MED24: variants seen among roughly 807,000 people sequenced by gnomAD.
MED24 encodes the protein mediator complex subunit 24.
MED24 carries 74 observed loss-of-function variants against 118.8 expected under a neutral mutation model. That is an observed-to-expected ratio of 0.62 (90% CI 0.52 to 0.76). The LOEUF (loss-of-function observed/expected upper bound fraction) is 0.76. Among genes scored for constraint, MED24 ranks in the 30% least tolerant of loss-of-function variants. The pLI, the probability that MED24 is intolerant of heterozygous loss-of-function variation, is 0.00. For missense variants in MED24, 1,041 were observed against 1,278.9 expected (o/e 0.81, Z 2.84); for synonymous variants, 521 against 523.9 (o/e 0.99, Z 0.08).
intron 10 of MED24, among the ~76,000 whole-genome samples, 160 bp downstream of exon 10, chr17:40,031,883 C>T (rs991190398): frequency 4.6e-5 from 7 of 150,700 alleles, no homozygotes; most frequent in African/African-American, 1.5e-4. Flanking sequence ...AGCACACGCA[C>T]ATGCTGAAGC....
rs756950682 is a variant in MED24 at position 40,022,508 on chromosome 17, G to T, written c.2433-24C>A. On this transcript the variant is annotated intron_variant, in intron 21 of 25. Transcript: ENST00000394128. ...GCCTGGCAAAGGGTTCCAGAAAAAG[G>T]GGGACAGTGAGAGGTGCCCCAGGAG... 8.1e-6 allele frequency: 13 copies of T among 1,600,058 alleles called. No homozygotes were observed. In the Admixed American group the frequency reaches 2.1e-4, roughly 26 times the overall value.
At chr17:40,053,276 T>G (rs774324373) in intron 3 of MED24, 22 bp downstream of exon 3, 24 of 1,577,460 alleles carry the variant, frequency 1.5e-5, no homozygotes, top group Non-Finnish European at 2.1e-5. Context: ...CACTTCTTGG[T>G]GGGGGTTTGC....
Position 40,023,160 on chromosome 17 carries a change from C to T in MED24, c.2221G>A (p.Val741Ile), listed in dbSNP as rs151012400. The change falls in exon 20 of 26, where the codon GTC (valine) becomes ATC (isoleucine). Residue 741 changes from valine to isoleucine, a missense_variant. Val to Ile is a conservative substitution (Grantham distance 29, BLOSUM62 3). Around this residue, in one of 3 missense-constraint regions of MED24, gnomAD observed 587 missense variants for 694.4 expected, o/e 0.85. Coordinates refer to ENST00000394128, the MANE Select transcript of MED24 (RefSeq NM_014815.4). The part of the protein sequence containing the change: ...IFDTLLHMGG[V>I]YWFCNNLIKE... The stretch of plus-strand genomic sequence containing the variant: ...ATCAGGTTGTTGCAGAACCAGTAGA[C>T]GCCGCCCATGTGCAGCAGGGTGTCA... 1.0e-4 allele frequency: 169 copies of T among 1,614,064 alleles called. No individual in the cohort carries two copies. In the African/African-American group the frequency reaches 1.8e-3, roughly 17 times the overall value.
chr17:40,020,222 G>A, intron 24 of MED24, 51 bp downstream of exon 24: 1 of 1,442,546 alleles, frequency 6.9e-7, no homozygotes, highest in Admixed American at 2.6e-5. Flanking sequence ...CATGAGAAGA[G>A]AGACTCGTCC....
At chr17:40,052,973 G>T (rs1170984660) in intron 3 of MED24, among the ~76,000 whole-genome samples, 1 of 152,094 alleles carries the variant, frequency 6.6e-6, no homozygotes, top group Non-Finnish European at 1.5e-5. Flanking sequence ...TCACTCTGTT[G>T]CTCTGGCTGG....
intron 2 of MED24, 33 bp from the exon 3 acceptor site, chr17:40,053,413 A>C: frequency 6.2e-7 from 1 of 1,613,554 alleles, no homozygotes; most frequent in Non-Finnish European, 8.5e-7. Context: ...CAACTGAGTG[A>C]TTACAACTTC....
intron 3 of MED24, among the ~76,000 whole-genome samples, chr17:40,041,028 G>A (rs1404471700): frequency 1.3e-5 from 2 of 152,092 alleles, no homozygotes; most frequent in African/African-American, 4.8e-5. Flanking sequence ...GATTACAGGT[G>A]TGAGCCACCA....
chr17:40,019,366 C>T lies in MED24; in HGVS notation c.*163G>A. ...TTGAAAGAAGAAACCGGGAGACATCCTGGAGGTCAGGAGTCAGGAGCGGGG... is the reference window on the plus strand; with the variant it reads ...TTGAAAGAAGAAACCGGGAGACATCTTGGAGGTCAGGAGTCAGGAGCGGGG... On this transcript the variant is annotated 3_prime_UTR_variant, in exon 26 of 26. Coordinates refer to ENST00000394128, the MANE Select transcript of MED24 (RefSeq NM_014815.4). 1 of 642,632 alleles carries T rather than the reference C, an allele frequency of 1.6e-6. No homozygotes were observed. Among genetic ancestry groups the T allele is most frequent in the Non-Finnish European group, 2.7e-6 (1 of 369,438 alleles). 39.8% of individuals were successfully genotyped at this position (642,632 alleles called of 1,614,324 possible).
rs745934892 is a variant in MED24 at position 40,027,900 on chromosome 17, C to T, written c.1447+9G>A. 1 of 1,613,136 alleles carries T rather than the reference C, an allele frequency of 6.2e-7. No homozygotes were observed. The highest frequency in any genetic ancestry group is 1.1e-5 in the South Asian group (1 of 91,074). On this transcript the variant is annotated intron_variant, in intron 15 of 25. Transcript: ENST00000394128. ...CCACTGGGCCTGCGGATGCACAGGG[C>T]TGACTTACTGCTTTCTTCGCTGCCA...
Position 40,021,963 on chromosome 17 carries a change from G to T in MED24, c.2615C>A (p.Ser872Ter). Residue 872 changes from serine (S) to a stop codon, truncating the protein, a stop_gained, in exon 23 of 26, where the codon TCG becomes TAG. Coordinates refer to ENST00000394128, the MANE Select transcript of MED24 (RefSeq NM_014815.4). LOFTEE classifies it high-confidence loss of function. Reference protein sequence around the residue: ...SSNEDDANILSSPTDRSMSSS... With the variant: ...SSNEDDANIL ...CCAGCCCACACACTCACTGGGGCTC[G>T]AAAGGATGTTGGCATCGTCCTCATT... 6.2e-7 allele frequency: 1 copy of T among 1,601,284 alleles called. No individual in the cohort carries two copies. The highest frequency in any genetic ancestry group is 8.5e-7 in the Non-Finnish European group (1 of 1,173,498).
chr17:40,047,792 C>G (rs1209165749), intron 3 of MED24, among the ~76,000 whole-genome samples: 2 of 151,872 alleles, frequency 1.3e-5, no homozygotes, highest in Admixed American at 1.3e-4. Flanking sequence ...CACAATGGCG[C>G]AATCTCGGTT....
intron 3 of MED24, among the ~76,000 whole-genome samples, chr17:40,049,907 T>A (rs932686183): frequency 6.6e-6 from 1 of 150,552 alleles, no homozygotes; most frequent in South Asian, 2.1e-4. Flanking sequence ...CCCAGCACTT[T>A]GGGAGGCCGA....
chr17:40,022,887 C>A (rs1982203136), intron 20 of MED24, 61 bp from the exon 21 acceptor site: 2 of 1,568,044 alleles, frequency 1.3e-6, no homozygotes, highest in South Asian at 1.2e-5. Flanking sequence ...GGCTCCTACA[C>A]CCTGCCACCC....
In MED24 at chr17:40,022,003, G is replaced by T. The variant is rs778352722; in HGVS notation, c.2575C>A (p.Arg859=). The T allele has an allele frequency of 1.9e-6, 3 of 1,611,202 alleles. No individual in the cohort carries two copies. Among genetic ancestry groups the T allele is most frequent in the Non-Finnish European group, 2.5e-6 (3 of 1,178,746 alleles). Reference sequence around the variant, plus strand: ...TCGTCCTCATTAGAGCTCAGCAGTCGCATCAACTTCGAAGGCTGCACATCG... The same window carrying T: ...TCGTCCTCATTAGAGCTCAGCAGTCTCATCAACTTCGAAGGCTGCACATCG... ...LDDVQPSKLM[R]LLSSNEDDAN... The change falls in exon 23 of 26, where the codon CGA becomes AGA. Residue 859 remains arginine (R), a synonymous_variant. Transcript: ENST00000394128.
At chr17:40,030,662 A>ATT (rs34089076) in intron 12 of MED24, among the ~76,000 whole-genome samples, 3,277 of 73,946 alleles carry the variant, frequency 0.044, 146 homozygotes, top group African/African-American at 0.12. Flanking sequence ...TTATTTATTT[A>ATT]TTTATTTTTT....
intron 23 of MED24, chr17:40,020,731 G>A (rs985099785): frequency 4.3e-5 from 15 of 347,938 alleles, no homozygotes; most frequent in South Asian, 1.7e-4. Flanking sequence ...GCAGTGAGCC[G>A]AGATGGTGCC....
intron 14 of MED24, 59 bp from the exon 15 acceptor site, chr17:40,028,005 G>A (rs905901599): frequency 3.4e-5 from 53 of 1,550,218 alleles, no homozygotes; most frequent in Non-Finnish European, 4.1e-5. Flanking sequence ...GTAGCTGGGC[G>A]CTGGGGCTAC....
chr17:40,034,854 C>CGGGGGGGGGGG, intron 6 of MED24: 1 of 240,112 alleles, frequency 4.2e-6, no homozygotes. Flanking sequence ...TTTGGTAGCC[C>CGGGGGGGGGGG]CCCACCCCCC....
intron 16 of MED24, 119 bp from the exon 17 acceptor site, chr17:40,027,153 GGACGAA>G: frequency 1.5e-6 from 2 of 1,318,240 alleles, no homozygotes; most frequent in Non-Finnish European, 2.1e-6. Context: ...CAAAGACTGG[GGACGAA>G]CTGGTCTAAG....
Sources: allele counts gnomAD v4.1 joint callset (sites outside exome capture counted in the v4.1 genomes callset), GRCh38; gene constraint gnomAD v4.1.1; regional missense constraint gnomAD v4.1.1; transcripts MANE v1.5; gene names NCBI Gene and HGNC (gene_info 2026-07-23, HGNC 2026-07-21).